PCBD2: variants seen among roughly 807,000 people sequenced by gnomAD.
The protein encoded by PCBD2 is pterin-4-alpha-carbinolamine dehydratase 2.
In PCBD2, 12 loss-of-function variants were observed where a neutral mutation model predicts 16.4. The ratio of observed to expected loss-of-function variants is 0.73; its 90% CI spans 0.47 to 1.19. The LOEUF (loss-of-function observed/expected upper bound fraction) is 1.19, where lower values mean the gene tolerates loss of function less well. PCBD2 is among the 50% of genes most tolerant of loss of function. PCBD2 has a pLI of 0.00. For synonymous variants in PCBD2, 58 were observed against 61.8 expected, an observed-to-expected ratio of 0.94 and a Z score of 0.29; for missense variants, 138 against 156.8, an observed-to-expected ratio of 0.88 and a Z score of 0.64.
At chr5:134,910,553 C>A in intron 2 of PCBD2, 87 bp downstream of exon 2, 3 of 1,443,276 alleles carry the variant, frequency 2.1e-6, no homozygotes, top group Non-Finnish European at 2.9e-6. Context: ...GTTGTCTGGT[C>A]CCATGTAGAT....
intron 2 of PCBD2, among the ~76,000 whole-genome samples, chr5:134,955,420 G>T (rs1751403933): frequency 6.7e-6 from 1 of 150,010 alleles, no homozygotes; most frequent in Non-Finnish European, 1.5e-5. Context: ...TGATTCTCCT[G>T]CCTCAACCTC....
At chr5:134,955,988 A>C (rs1035879567) in intron 2 of PCBD2, among the ~76,000 whole-genome samples, 13 of 152,334 alleles carry the variant, frequency 8.5e-5, no homozygotes, top group African/African-American at 2.9e-4. Context: ...TCAGTCATCT[A>C]AATTCCTTGG....
rs181912714 is a variant in PCBD2, at chr5:134,940,976, G to T, written c.217-18064G>T. Among the ~76,000 whole-genome samples, 756 of 152,140 alleles carry T rather than the reference G, an allele frequency of 5.0e-3. 5 individuals are homozygous for T. The highest frequency in any genetic ancestry group is 7.7e-3 in the Non-Finnish European group (525 of 68,008). On this transcript the variant is annotated intron_variant, in intron 2 of 3. Coordinates refer to ENST00000254908, the MANE Select transcript of PCBD2 (RefSeq NM_032151.5). The stretch of plus-strand genomic sequence containing the variant: ...CTCTACTAAAAGTACAAAAATTAGC[G>T]TGGTGGCGCATGCCTGTAATCCCAG...
intron 2 of PCBD2, chr5:134,925,964 T>A (rs1750987978): frequency 2.6e-6 from 1 of 389,388 alleles, no homozygotes; most frequent in Non-Finnish European, 4.5e-6. Flanking sequence ...ATAGCTGCTG[T>A]GTTGGCATCT....
At chr5:134,926,169 C>T (rs79835980) in intron 2 of PCBD2, 14 of 317,162 alleles carry the variant, frequency 4.4e-5, no homozygotes, top group South Asian at 3.1e-4. Flanking sequence ...TGATGGATCA[C>T]GTAACGAACA....
intron 2 of PCBD2, among the ~76,000 whole-genome samples, chr5:134,937,778 G>A (rs917930945): frequency 3.3e-5 from 5 of 152,282 alleles, no homozygotes; most frequent in Middle Eastern, 3.4e-3. Context: ...GAATTATTTC[G>A]TTCACAAACA....
chr5:134,912,435 A>C (rs912521351), intron 2 of PCBD2, among the ~76,000 whole-genome samples: 5 of 152,184 alleles, frequency 3.3e-5, no homozygotes, highest in Non-Finnish European at 7.4e-5. Context: ...TGCACACCAA[A>C]GGGCACCGTG....
At chr5:134,931,189 C>T (rs1307779715) in intron 2 of PCBD2, among the ~76,000 whole-genome samples, 1 of 152,122 alleles carries the variant, frequency 6.6e-6, no homozygotes, top group Non-Finnish European at 1.5e-5. Flanking sequence ...GCACTTTGGC[C>T]ACCGCGCCGG....
chr5:134,946,358 C>T (rs2149538641), intron 2 of PCBD2, among the ~76,000 whole-genome samples: 1 of 152,244 alleles, frequency 6.6e-6, no homozygotes, highest in South Asian at 2.1e-4. Flanking sequence ...CTTTGCTGGG[C>T]TTCTTGCTTG....
chr5:134,927,019 G>A (rs1009437167), intron 2 of PCBD2: 30 of 398,308 alleles, frequency 7.5e-5, no homozygotes, highest in Admixed American at 5.3e-4. Flanking sequence ...ATTATGATGC[G>A]ACTGTGGGTA....
intron 2 of PCBD2, among the ~76,000 whole-genome samples, chr5:134,957,383 A>C (rs142653883): frequency 3.3e-5 from 5 of 152,370 alleles, no homozygotes; most frequent in African/African-American, 1.2e-4. Context: ...ATTGCTGTCT[A>C]TCAGTGATGT....
intron 2 of PCBD2, among the ~76,000 whole-genome samples, chr5:134,912,590 G>A (rs1750782189): frequency 6.6e-6 from 1 of 152,216 alleles, no homozygotes; most frequent in Non-Finnish European, 1.5e-5. Flanking sequence ...CAGTGCCAAA[G>A]CTGAAACTGA....
chr5:134,921,746 C>T lies in PCBD2; in HGVS notation c.216+11280C>T, dbSNP rs370992566. 5.3e-5 allele frequency among the ~76,000 whole-genome samples: 8 copies of T among 152,180 alleles called. No individual in the cohort carries two copies. The East Asian group carries it at 5.8e-4, about 11-fold the overall frequency. On this transcript the variant is annotated intron_variant, in intron 2 of 3. Transcript: ENST00000254908. ...GATTTGTTACCAAGAACTGGTCAGT[C>T]GTCCTGTAGTGCCTTTCACAGGACT...
At chr5:134,923,319 A>C in intron 2 of PCBD2, 1 of 158,732 alleles carries the variant, frequency 6.3e-6, no homozygotes. Flanking sequence ...TGGTGAGAAT[A>C]GTGTTAACGT....
At chr5:134,940,340 G>A (rs1433598934) in intron 2 of PCBD2, among the ~76,000 whole-genome samples, 1 of 152,192 alleles carries the variant, frequency 6.6e-6, no homozygotes, top group Admixed American at 6.5e-5. Context: ...GTCTCCTGAG[G>A]CCTGGTTCTC....
chr5:134,923,670 G>A, intron 2 of PCBD2: 3 of 378,600 alleles, frequency 7.9e-6, no homozygotes, highest in Non-Finnish European at 1.4e-5. Flanking sequence ...GCCCATGAAG[G>A]CTGTTGCTAT....
At chr5:134,931,853 G>A (rs1751102719) in intron 2 of PCBD2, among the ~76,000 whole-genome samples, 1 of 152,196 alleles carries the variant, frequency 6.6e-6, no homozygotes, top group Non-Finnish European at 1.5e-5. Flanking sequence ...ATGTTTTGAA[G>A]AAAAAGATTG....
At chr5:134,956,269 G>GT (rs5871545) in intron 2 of PCBD2, among the ~76,000 whole-genome samples, 95,293 of 152,010 alleles carry the variant, frequency 0.63, 30,439 homozygotes, top group East Asian at 0.78. Context: ...AAATTTGAGG[G>GT]GTTTTGATGT....
chr5:134,960,478 T>C, intron 3 of PCBD2, 108 bp from the exon 4 acceptor site: 2 of 758,640 alleles, frequency 2.6e-6, no homozygotes, highest in Non-Finnish European at 4.3e-6. Context: ...TTAATCCCCC[T>C]AATTCTCAAA....
Sources: gnomAD v4.1 joint callset for allele counts (sites outside exome capture counted in the v4.1 genomes callset) on GRCh38, gnomAD v4.1.1 for gene constraint, MANE v1.5 for transcripts, NCBI Gene and HGNC (gene_info 2026-07-23, HGNC 2026-07-21) for gene names.